The following SLX4IP variants were observed in gnomAD, a reference collection of about 807,000 sequenced individuals.
SLX4IP encodes SLX4 interacting protein.
Under a neutral mutation model 32.9 loss-of-function variants are expected in SLX4IP, and 34 were observed. That is an observed-to-expected ratio of 1.03 (90% CI 0.79 to 1.38). SLX4IP has a LOEUF of 1.38. SLX4IP is among the 40% of genes most tolerant of loss of function. The pLI, the probability that SLX4IP is intolerant of heterozygous loss-of-function variation, is 0.00. For missense variants in SLX4IP, 444 were observed against 479.0 expected (o/e 0.93, Z 0.68); for synonymous variants, 172 against 171.7 (o/e 1.00, Z -0.01).
chr20:10,567,741 C>A (rs2066413490), intron 4 of SLX4IP, among the ~76,000 whole-genome samples: 1 of 152,202 alleles, frequency 6.6e-6, no homozygotes, highest in African/African-American at 2.4e-5. Flanking sequence ...TTAACCACTG[C>A]CAGTGAATCA....
intron 1 of SLX4IP, among the ~76,000 whole-genome samples, chr20:10,436,922 G>T (rs1221101138): frequency 1.4e-5 from 2 of 143,660 alleles, no homozygotes; most frequent in Non-Finnish European, 1.5e-5. Flanking sequence ...ACTGGTTTGC[G>T]TTTTTTTTTT....
chr20:10,501,454 T>C (rs2065717736), intron 2 of SLX4IP, among the ~76,000 whole-genome samples: 1 of 152,200 alleles, frequency 6.6e-6, no homozygotes, highest in South Asian at 2.1e-4. Context: ...GAGCTGCAAG[T>C]TGACTGTTTG....
chr20:10,619,075 C>G (rs1342096656), intron 6 of SLX4IP, among the ~76,000 whole-genome samples: 2 of 152,004 alleles, frequency 1.3e-5, no homozygotes, highest in Admixed American at 1.3e-4. Flanking sequence ...GGAGTCTAAT[C>G]TTTTTTTTCC....
chr20:10,579,251 A>G (rs923895325), intron 4 of SLX4IP, among the ~76,000 whole-genome samples: 3 of 152,118 alleles, frequency 2.0e-5, no homozygotes, highest in Non-Finnish European at 4.4e-5. Flanking sequence ...GACATGAGTT[A>G]GGGGTCCAAC....
intron 2 of SLX4IP, among the ~76,000 whole-genome samples, chr20:10,543,908 G>T (rs1324940279): frequency 3.9e-5 from 6 of 152,178 alleles, no homozygotes; most frequent in Admixed American, 3.9e-4. Flanking sequence ...AGAAAATGAG[G>T]TTAGTTTTTC....
intron 1 of SLX4IP, among the ~76,000 whole-genome samples, chr20:10,457,408 G>A (rs1349558613): frequency 1.4e-5 from 2 of 144,802 alleles, no homozygotes; most frequent in East Asian, 4.0e-4. Context: ...TATTGTGTTG[G>A]CTTTTTTTTG....
At chr20:10,535,724 C>T (rs1407441525) in intron 2 of SLX4IP, among the ~76,000 whole-genome samples, 1 of 152,178 alleles carries the variant, frequency 6.6e-6, no homozygotes, top group Non-Finnish European at 1.5e-5. Context: ...AATGGAACTA[C>T]CTGTGTTGCA....
chr20:10,478,489 A>T (rs1327498940), intron 2 of SLX4IP, among the ~76,000 whole-genome samples: 1 of 152,200 alleles, frequency 6.6e-6, no homozygotes, highest in Admixed American at 6.5e-5. Flanking sequence ...TGAAGATCGA[A>T]ACTCTAGCTA....
chr20:10,600,981 A>G (rs2122548873), intron 5 of SLX4IP, among the ~76,000 whole-genome samples: 1 of 152,306 alleles, frequency 6.6e-6, no homozygotes, highest in East Asian at 1.9e-4. Context: ...GGATGGATGG[A>G]CAGACAGATG....
At chr20:10,495,177 T>C (rs1363399235) in intron 2 of SLX4IP, among the ~76,000 whole-genome samples, 1 of 152,174 alleles carries the variant, frequency 6.6e-6, no homozygotes, top group Admixed American at 6.5e-5. Flanking sequence ...TAACTGCATG[T>C]TACAGGTTTT....
chr20:10,507,965 GAT>G (rs754038628), intron 2 of SLX4IP, among the ~76,000 whole-genome samples: 1 of 150,698 alleles, frequency 6.6e-6, no homozygotes. Flanking sequence ...GTGTATATTT[GAT>G]ATATATATAC....
At chr20:10,474,611 C>A (rs1472268281) in intron 2 of SLX4IP, among the ~76,000 whole-genome samples, 1 of 152,154 alleles carries the variant, frequency 6.6e-6, no homozygotes, top group Non-Finnish European at 1.5e-5. Flanking sequence ...TCATGGTTAA[C>A]CCCAGAAGGA....
chr20:10,599,861 C>CA (rs1041558034), intron 5 of SLX4IP, among the ~76,000 whole-genome samples: 2 of 152,070 alleles, frequency 1.3e-5, no homozygotes, highest in African/African-American at 2.4e-5. Context: ...CTAAACAGAG[C>CA]AAAAGGGTAC....
chr20:10,441,813 T>C (rs1390336187), intron 1 of SLX4IP, among the ~76,000 whole-genome samples: 1 of 152,140 alleles, frequency 6.6e-6, no homozygotes, highest in Non-Finnish European at 1.5e-5. Flanking sequence ...TACACTGAAG[T>C]TGCCTTTCAG....
intron 3 of SLX4IP, among the ~76,000 whole-genome samples, chr20:10,558,934 C>G (rs1568740194): frequency 6.6e-6 from 1 of 152,136 alleles, no homozygotes; most frequent in African/African-American, 2.4e-5. Context: ...AAGGAAAGCC[C>G]CACAGCTAGA....
intron 1 of SLX4IP, among the ~76,000 whole-genome samples, chr20:10,449,433 G>T (rs2065224988): frequency 6.6e-6 from 1 of 152,178 alleles, no homozygotes; most frequent in South Asian, 2.1e-4. Context: ...TGAGGCAGAG[G>T]GAAGAAGGTC....
chr20:10,616,262 C>T (rs904199660), intron 6 of SLX4IP, among the ~76,000 whole-genome samples: 1 of 151,954 alleles, frequency 6.6e-6, no homozygotes, highest in African/African-American at 2.4e-5. Context: ...GGCTCTTCTC[C>T]AAGACCCATC....
rs1424141497 is a variant in SLX4IP at position 10,625,726 on chromosome 20, C to T, written c.*2347C>T. On this transcript the variant is annotated 3_prime_UTR_variant, in exon 8 of 8. Coordinates refer to ENST00000334534, the MANE Select transcript of SLX4IP (RefSeq NM_001009608.3). ...AGATAGATGTAGTTTTCCTCACAGC[C>T]CTCACGTCCCTTCATGTAAAAGGGA... 6.6e-6 allele frequency: 1 copy of T among 152,122 alleles called. No individual in the cohort carries two copies. The highest frequency in any genetic ancestry group is 1.5e-5 in the Non-Finnish European group (1 of 68,036). The allele number at this position is 152,122 out of a possible 1,614,324, so 9.4% of individuals were successfully genotyped here. A position where few individuals can be genotyped will look rare whatever the true frequency, so the allele number is the denominator to read the frequency against.
intron 2 of SLX4IP, among the ~76,000 whole-genome samples, chr20:10,555,513 G>C (rs1389660678): frequency 1.3e-5 from 2 of 152,152 alleles, no homozygotes; most frequent in African/African-American, 4.8e-5. Flanking sequence ...CACATTTTAA[G>C]TGCTCAGCAG....
Sources: gnomAD v4.1 joint callset for allele counts (sites outside exome capture counted in the v4.1 genomes callset) on GRCh38, gnomAD v4.1.1 for gene constraint, MANE v1.5 for transcripts, NCBI Gene and HGNC (gene_info 2026-07-23, HGNC 2026-07-21) for gene names.